The following ADAMTS20 variants were observed in gnomAD, a reference collection of about 807,000 sequenced individuals.
The protein encoded by ADAMTS20 is A disintegrin and metalloproteinase with thrombospondin motifs 20.
In ADAMTS20, 225 loss-of-function variants were observed where a neutral mutation model predicts 260.1. The ratio of observed to expected loss-of-function variants is 0.87; its 90% CI spans 0.78 to 0.97. The LOEUF is 0.97. Ranked by LOEUF, ADAMTS20 falls within the 50% of genes least tolerant of loss-of-function variation. ADAMTS20 has a pLI of 0.00. For missense variants in ADAMTS20, 2,400 were observed against 2,337.7 expected, an observed-to-expected ratio of 1.03 and a Z score of -0.55; for synonymous variants, 802 against 769.5, an observed-to-expected ratio of 1.04 and a Z score of -0.70.
intron 10 of ADAMTS20, among the ~76,000 whole-genome samples, chr12:43,463,244 A>T (rs1377059429): frequency 3.3e-5 from 5 of 152,192 alleles, no homozygotes; most frequent in African/African-American, 1.2e-4. Context: ...GGAGTTATGA[A>T]TTGGAGTGGA....
intron 28 of ADAMTS20, among the ~76,000 whole-genome samples, chr12:43,404,489 A>C (rs1940875061): frequency 6.6e-6 from 1 of 152,216 alleles, no homozygotes; most frequent in Admixed American, 6.5e-5. Context: ...CTATTTGAAA[A>C]AAATATCTGA....
intron 3 of ADAMTS20, among the ~76,000 whole-genome samples, chr12:43,530,387 T>G (rs1943203459): frequency 6.6e-6 from 1 of 152,222 alleles, no homozygotes; most frequent in African/African-American, 2.4e-5. Context: ...TGTACCCATT[T>G]GTGTTTTCTT....
chr12:43,373,342 A>G (rs1940146195), intron 36 of ADAMTS20, among the ~76,000 whole-genome samples: 1 of 152,230 alleles, frequency 6.6e-6, no homozygotes, highest in Non-Finnish European at 1.5e-5. Flanking sequence ...TAGAGCGCTA[A>G]TAACATACTT....
In ADAMTS20 at chr12:43,551,720, G is replaced by T; in HGVS notation, c.91+111C>A. 3 of 1,137,228 alleles carry T rather than the reference G, an allele frequency of 2.6e-6. No homozygotes were observed. Among genetic ancestry groups the T allele is most frequent in the Non-Finnish European group, 3.8e-6 (3 of 780,186 alleles). The allele number at this position is 1,137,228 out of a possible 1,614,324, so 70.4% of individuals were successfully genotyped here. A position where few individuals can be genotyped will look rare whatever the true frequency, so the allele number is the denominator to read the frequency against. Reference sequence around the variant, plus strand: ...TGGTCCGGGAGTCCCGGGAGCTCCAGCAGGGCCAGCGTTCCCCAACGGGCT... The same window carrying T: ...TGGTCCGGGAGTCCCGGGAGCTCCATCAGGGCCAGCGTTCCCCAACGGGCT... On this transcript the variant is annotated intron_variant, in intron 1 of 38. Transcript: ENST00000389420. The surrounding 1 kb of genome is among the most constrained non-coding windows in gnomAD (Gnocchi z 4.6).
chr12:43,475,936 A>C (rs1024540432), intron 7 of ADAMTS20, among the ~76,000 whole-genome samples: 94 of 131,632 alleles, frequency 7.1e-4, no homozygotes, highest in African/African-American at 2.7e-3. Flanking sequence ...AGGCATGGGC[A>C]AGGACTTCAT....
chr12:43,421,720 A>G (rs1176990216), intron 28 of ADAMTS20, among the ~76,000 whole-genome samples: 1 of 152,040 alleles, frequency 6.6e-6, no homozygotes, highest in African/African-American at 2.4e-5. Context: ...AAAATTATAA[A>G]AATTTCACAG....
At position 43,376,269 on chromosome 12, in the gene ADAMTS20, G is replaced by A. The variant is rs1050232978; in HGVS notation, c.5187C>T (p.Asp1729=). The A allele has an allele frequency of 1.9e-6, 3 of 1,555,632 alleles. No individual in the cohort carries two copies. Among genetic ancestry groups the A allele is most frequent in the Non-Finnish European group, 2.6e-6 (3 of 1,148,098 alleles). The change falls in exon 34 of 39, where the codon GAC becomes GAT. Residue 1729 remains aspartate, a synonymous_variant. Coordinates refer to ENST00000389420, the MANE Select transcript of ADAMTS20 (RefSeq NM_025003.5). ...QVKNHIRKDG[D]YYLNIKGRII... is the part of the protein sequence containing the mutation. Reference sequence around the variant, plus strand: ...TTCTTCCCTTAATGTTAAGGTAATAGTCACCATCCTTTCTAATGTGGTTTT... The same window carrying A: ...TTCTTCCCTTAATGTTAAGGTAATAATCACCATCCTTTCTAATGTGGTTTT...
intron 18 of ADAMTS20, among the ~76,000 whole-genome samples, chr12:43,435,795 C>T (rs1293009521): frequency 6.6e-6 from 1 of 151,006 alleles, no homozygotes; most frequent in Non-Finnish European, 1.5e-5. Flanking sequence ...CTTTATTGTT[C>T]CAAGCCATTA....
At position 43,454,211 on chromosome 12, in the gene ADAMTS20, T is replaced by C. The variant is rs1941924199; in HGVS notation, c.1615-159A>G. Among the ~76,000 whole-genome samples, 4 of 152,232 alleles carry C rather than the reference T, an allele frequency of 2.6e-5. No homozygotes were observed. The South Asian group carries it at 8.3e-4, about 32-fold the overall frequency. Reference sequence around the variant, plus strand: ...TACATTTGAAATGATTTTATGAATATTTCCTACCTACTAAGATCTGTGGAA... The same window carrying C: ...TACATTTGAAATGATTTTATGAATACTTCCTACCTACTAAGATCTGTGGAA... On this transcript the variant is annotated intron_variant, in intron 11 of 38. Transcript: ENST00000389420.
chr12:43,538,488 G>A (rs998780721), intron 2 of ADAMTS20, among the ~76,000 whole-genome samples: 1 of 152,120 alleles, frequency 6.6e-6, no homozygotes, highest in African/African-American at 2.4e-5. Flanking sequence ...TTTGTTGATT[G>A]TATCCTTTGC....
intron 3 of ADAMTS20, among the ~76,000 whole-genome samples, chr12:43,523,782 T>A (rs1018404693): frequency 7.9e-5 from 12 of 152,022 alleles, no homozygotes; most frequent in African/African-American, 2.9e-4. Context: ...CCAGAGGGGT[T>A]GTTCCTTGCC....
chr12:43,420,659 G>A (rs1452345164), intron 28 of ADAMTS20, among the ~76,000 whole-genome samples: 2 of 151,980 alleles, frequency 1.3e-5, no homozygotes, highest in African/African-American at 2.4e-5. Flanking sequence ...GGGAGCTACA[G>A]GGGGAGGCAG....
chr12:43,537,935 G>A (rs1055563927), intron 2 of ADAMTS20, among the ~76,000 whole-genome samples: 4 of 152,162 alleles, frequency 2.6e-5, no homozygotes, highest in Non-Finnish European at 4.4e-5. Flanking sequence ...CACTTAGGTT[G>A]CTTCCAAATC....
At chr12:43,544,543 A>T (rs1319808693) in intron 2 of ADAMTS20, among the ~76,000 whole-genome samples, 1 of 152,220 alleles carries the variant, frequency 6.6e-6, no homozygotes, top group African/African-American at 2.4e-5. Context: ...CAACTGGTAC[A>T]ACAAGGACGC....
chr12:43,409,601 CAAAAAAAAAAAAAAA>C (rs67474640), intron 28 of ADAMTS20, among the ~76,000 whole-genome samples: 2 of 46,894 alleles, frequency 4.3e-5, no homozygotes, highest in African/African-American at 1.4e-4. Flanking sequence ...GACTCCGTCT[CAAAAAAAAAAAAAAA>C]AAAAAAAAAA....
intron 18 of ADAMTS20, among the ~76,000 whole-genome samples, chr12:43,434,635 A>G (rs1306315093): frequency 1.3e-5 from 2 of 152,214 alleles, no homozygotes; most frequent in African/African-American, 4.8e-5. Flanking sequence ...GAAATTCACT[A>G]TAGTGGGATA....
At chr12:43,354,522 C>T (rs186876695) in intron 38 of ADAMTS20, among the ~76,000 whole-genome samples, 1 of 125,896 alleles carries the variant, frequency 7.9e-6, no homozygotes, top group East Asian at 2.0e-4. Flanking sequence ...TTCATATTAG[C>T]TAGTTGAATA....
At chr12:43,357,258 G>C (rs1424829107) in intron 37 of ADAMTS20, among the ~76,000 whole-genome samples, 1 of 152,104 alleles carries the variant, frequency 6.6e-6, no homozygotes, top group Non-Finnish European at 1.5e-5. Flanking sequence ...TTGAAAAGTA[G>C]AACTGCAAAC....
At position 43,386,061 on chromosome 12, in the gene ADAMTS20, T is replaced by C. The variant is rs540954555; in HGVS notation, c.4453-2084A>G. On this transcript the variant is annotated intron_variant, in intron 29 of 38. Transcript: ENST00000389420. ...TTCTCTCTTTTCTTCTCTATTAGTCTGGCTAGCGGTCTACCTATTTTGTTA... is the reference window on the plus strand; with the variant it reads ...TTCTCTCTTTTCTTCTCTATTAGTCCGGCTAGCGGTCTACCTATTTTGTTA... Among the ~76,000 whole-genome samples the C allele has an allele frequency of 3.3e-5, 5 of 152,304 alleles. 1 individual carries two copies. Among genetic ancestry groups the C allele is most frequent in the African/African-American group, 1.2e-4 (5 of 41,568 alleles).
Sources: allele counts gnomAD v4.1 joint callset (sites outside exome capture counted in the v4.1 genomes callset), GRCh38; gene constraint gnomAD v4.1.1; non-coding constraint Gnocchi (gnomAD v3.1); transcripts MANE v1.5; gene names NCBI Gene and HGNC (gene_info 2026-07-23, HGNC 2026-07-21).